CTNNA3: variants seen among roughly 807,000 people sequenced by gnomAD.
The protein encoded by CTNNA3 is catenin alpha 3, also known as catenin alpha-3.
A neutral mutation model predicts 95.7 loss-of-function variants in CTNNA3; 76 were observed. That is an observed-to-expected ratio of 0.79 (90% CI 0.66 to 0.96). CTNNA3 has a LOEUF of 0.96. Ranked by LOEUF, CTNNA3 falls within the 40% of genes least tolerant of loss-of-function variation. CTNNA3 has a pLI of 0.00. For missense variants in CTNNA3, 1,191 were observed against 1,089.8 expected, an observed-to-expected ratio of 1.09 and a Z score of -1.31; for synonymous variants, 431 against 374.4, an observed-to-expected ratio of 1.15 and a Z score of -1.74.
intron 10 of CTNNA3, among the ~76,000 whole-genome samples, chr10:66,601,142 A>ATGAGAAGAGGTCATCT (rs1291001138): frequency 6.6e-6 from 1 of 151,900 alleles, no homozygotes; most frequent in Non-Finnish European, 1.5e-5. Context: ...TCTCAGATGC[A>ATGAGAAGAGGTCATCT]TGAGAAGAGG....
At chr10:66,298,701 CAG>C (rs1321928791) in intron 12 of CTNNA3, among the ~76,000 whole-genome samples, 3 of 152,104 alleles carry the variant, frequency 2.0e-5, no homozygotes, top group Admixed American at 6.6e-5. Flanking sequence ...TATCTATAGA[CAG>C]AGAGTTGGCA....
intron 9 of CTNNA3, among the ~76,000 whole-genome samples, chr10:66,702,707 CAAAAAA>C (rs36140474): frequency 1.2e-5 from 1 of 81,250 alleles, no homozygotes; most frequent in Non-Finnish European, 2.3e-5. Flanking sequence ...AACTCCACCT[CAAAAAA>C]AAAAAAAAAA....
intron 10 of CTNNA3, among the ~76,000 whole-genome samples, chr10:66,620,195 G>T (rs1844696149): frequency 6.6e-6 from 1 of 152,038 alleles, no homozygotes; most frequent in South Asian, 2.1e-4. Context: ...CCCAGTAGGT[G>T]CTCCATAACT....
intron 7 of CTNNA3, among the ~76,000 whole-genome samples, chr10:67,156,953 CTTAGGT>C: frequency 6.6e-6 from 1 of 152,188 alleles, no homozygotes; most frequent in Non-Finnish European, 1.5e-5. Context: ...GCTTTACATA[CTTAGGT>C]GCTCTGATGT....
chr10:66,988,936 C>T (rs908789879), intron 7 of CTNNA3, among the ~76,000 whole-genome samples: 3 of 151,990 alleles, frequency 2.0e-5, no homozygotes, highest in Admixed American at 6.6e-5. Context: ...GATCATCTTC[C>T]TCTTCATTTC....
At chr10:67,762,007 G>T (rs1841464022) in intron 1 of CTNNA3, among the ~76,000 whole-genome samples, 3 of 152,006 alleles carry the variant, frequency 2.0e-5, no homozygotes, top group Non-Finnish European at 4.4e-5. Context: ...CACGAATTAG[G>T]AACATATGAA....
Position 66,169,340 on chromosome 10 carries a change from C to T in CTNNA3, c.1885-66091G>A, listed in dbSNP as rs530456948. On this transcript the variant is annotated intron_variant, in intron 13 of 17. Transcript: ENST00000433211. ...ATAGTCTCCAGTCCCATCCAGGTTG[C>T]TCTGAATGCCATTAATTCATTCCTT... is the stretch of plus-strand genomic sequence containing the variant. Among the ~76,000 whole-genome samples the T allele has an allele frequency of 5.3e-5, 8 of 152,294 alleles. No homozygotes were observed. The East Asian group carries it at 1.3e-3, about 26-fold the overall frequency.
In CTNNA3 at chr10:66,543,663, T is replaced by C. The variant is rs568482142; in HGVS notation, c.1375-22890A>G. 2.1e-4 allele frequency among the ~76,000 whole-genome samples: 32 copies of C among 151,544 alleles called. No homozygotes were observed. In the South Asian group the frequency reaches 4.8e-3, roughly 23 times the overall value. The stretch of plus-strand genomic sequence containing the variant: ...TAATGAATTACATTTCTAAAGATAG[T>C]AGAAAAAATGAAGCTCTCTTAGAGC... On this transcript the variant is annotated intron_variant, in intron 10 of 17. Transcript: ENST00000433211.
At chr10:67,621,053 C>T (rs1843829073) in intron 2 of CTNNA3, among the ~76,000 whole-genome samples, 1 of 151,542 alleles carries the variant, frequency 6.6e-6, no homozygotes, top group Non-Finnish European at 1.5e-5. Context: ...AGAGGCAGAA[C>T]CATGCTCACT....
intron 1 of CTNNA3, among the ~76,000 whole-genome samples, chr10:67,667,330 A>C (rs1033837739): frequency 2.0e-5 from 3 of 152,150 alleles, no homozygotes; most frequent in Non-Finnish European, 2.9e-5. Flanking sequence ...TAAAAATAAA[A>C]ATTTTACTAT....
intron 13 of CTNNA3, among the ~76,000 whole-genome samples, chr10:66,163,360 G>A (rs2084952010): frequency 6.6e-6 from 1 of 152,038 alleles, no homozygotes; most frequent in Non-Finnish European, 1.5e-5. Context: ...GCTGCTAGGG[G>A]ACCCAGTGAG....
At chr10:67,164,988 C>G in intron 7 of CTNNA3, among the ~76,000 whole-genome samples, 1 of 152,164 alleles carries the variant, frequency 6.6e-6, no homozygotes, top group African/African-American at 2.4e-5. Flanking sequence ...ATACCATAAC[C>G]TAGCAATCAC....
At chr10:67,196,898 T>C (rs995069236) in intron 6 of CTNNA3, among the ~76,000 whole-genome samples, 1 of 152,026 alleles carries the variant, frequency 6.6e-6, no homozygotes, top group African/African-American at 2.4e-5. Flanking sequence ...GATTATCTGT[T>C]TGGAAATATG....
intron 13 of CTNNA3, among the ~76,000 whole-genome samples, chr10:66,161,219 GC>G (rs1379764116): frequency 6.6e-6 from 1 of 152,050 alleles, no homozygotes; most frequent in Non-Finnish European, 1.5e-5. Flanking sequence ...CATTCATCAT[GC>G]TTTTTGTTAC....
At chr10:67,014,843 A>C (rs188916732) in intron 7 of CTNNA3, among the ~76,000 whole-genome samples, 76 of 152,240 alleles carry the variant, frequency 5.0e-4, no homozygotes, top group Admixed American at 8.5e-4. Context: ...CCAAGGTAGA[A>C]AAATGGTCAG....
intron 5 of CTNNA3, among the ~76,000 whole-genome samples, chr10:67,420,754 ATTATC>A (rs2132866587): frequency 6.6e-6 from 1 of 152,214 alleles, no homozygotes; most frequent in East Asian, 1.9e-4. Flanking sequence ...GCAAAGTAGT[ATTATC>A]TTTATTTATT....
At chr10:66,268,509 A>C (rs2091207526) in intron 13 of CTNNA3, among the ~76,000 whole-genome samples, 1 of 152,214 alleles carries the variant, frequency 6.6e-6, no homozygotes, top group Non-Finnish European at 1.5e-5. Context: ...TCCAGATGTC[A>C]GACATGCACA....
chr10:67,441,238 A>C (rs1457559566), intron 5 of CTNNA3, among the ~76,000 whole-genome samples: 6 of 151,586 alleles, frequency 4.0e-5, no homozygotes, highest in Admixed American at 3.9e-4. Context: ...AAAACAGACT[A>C]TAAGAAAATA....
intron 7 of CTNNA3, among the ~76,000 whole-genome samples, chr10:66,817,805 C>T (rs1842147372): frequency 6.6e-6 from 1 of 151,878 alleles, no homozygotes; most frequent in Non-Finnish European, 1.5e-5. Flanking sequence ...TTGAGGTCAG[C>T]ATTACATTGA....
Sources: allele counts gnomAD v4.1 joint callset (sites outside exome capture counted in the v4.1 genomes callset), GRCh38; gene constraint gnomAD v4.1.1; transcripts MANE v1.5; gene names NCBI Gene and HGNC (gene_info 2026-07-23, HGNC 2026-07-21).